FBXO5: variants seen among roughly 807,000 people sequenced by gnomAD.
FBXO5 encodes F-box only protein 5.
In FBXO5, 8 loss-of-function variants were observed where a neutral mutation model predicts 43.3. The ratio of observed to expected loss-of-function variants is 0.18; its 90% CI spans 0.11 to 0.33. FBXO5 has a LOEUF of 0.33. Ranked by LOEUF, FBXO5 falls within the 10% of genes least tolerant of loss-of-function variation. FBXO5 has a pLI of 1.00. For synonymous variants in FBXO5, 204 were observed against 193.7 expected (o/e 1.05, Z -0.44); for missense variants, 491 against 535.7 (o/e 0.92, Z 0.82).
intron 4 of FBXO5, among the ~76,000 whole-genome samples, chr6:152,971,956 C>CA (rs1778092917): frequency 6.6e-6 from 1 of 152,100 alleles, no homozygotes; most frequent in Non-Finnish European, 1.5e-5. Flanking sequence ...AATTAGAACT[C>CA]AAAATCACTG....
upstream of FBXO5, chr6:152,983,520 G>A (rs1421358631): frequency 6.6e-6 from 1 of 152,290 alleles, no homozygotes; most frequent in African/African-American, 2.4e-5. Context: ...CGGGAATCCA[G>A]ACTTTCCGGA....
At chr6:152,971,908 A>C (rs1299008399) in intron 4 of FBXO5, among the ~76,000 whole-genome samples, 1 of 152,180 alleles carries the variant, frequency 6.6e-6, no homozygotes, top group African/African-American at 2.4e-5. Context: ...TAATTTTATA[A>C]GAAATCTAGG....
chr6:152,981,471 T>A (rs73634614), intron 1 of FBXO5, among the ~76,000 whole-genome samples: 1,880 of 152,304 alleles, frequency 0.012, 43 homozygotes, highest in African/African-American at 0.042. Context: ...AGAGGCCCAA[T>A]GCTTGTGACC....
intron 1 of FBXO5, among the ~76,000 whole-genome samples, chr6:152,976,016 G>A (rs1778164439): frequency 6.6e-6 from 1 of 152,208 alleles, no homozygotes; most frequent in East Asian, 1.9e-4. Flanking sequence ...TAGGCGCTAT[G>A]GTCAAAGTTA....
chr6:152,975,570 T>C lies in FBXO5; in HGVS notation c.155A>G (p.Asn52Ser). ...TLSVKMKCDFNCNHVHSGLKL... is the reference protein window; with the variant it reads ...TLSVKMKCDFSCNHVHSGLKL... ...AAGTCCGGAATGAACATGGTTACAATTAAAATCACACTTCATTTTGACAGA... is the reference window on the plus strand; with the variant it reads ...AAGTCCGGAATGAACATGGTTACAACTAAAATCACACTTCATTTTGACAGA... The change falls in exon 2 of 5, where the codon AAT (asparagine) becomes AGT (serine). Residue 52 changes from asparagine to serine, a missense_variant. By Grantham distance (46) the Asn-to-Ser change is conservative. Coordinates refer to ENST00000229758, the MANE Select transcript of FBXO5 (RefSeq NM_012177.5). 1 of 1,609,986 alleles carries C rather than the reference T, an allele frequency of 6.2e-7. No individual in the cohort carries two copies. Among genetic ancestry groups the C allele is most frequent in the Non-Finnish European group, 8.5e-7 (1 of 1,179,100 alleles).
chr6:152,974,530 C>T (rs1045829213), intron 2 of FBXO5, among the ~76,000 whole-genome samples: 1 of 152,174 alleles, frequency 6.6e-6, no homozygotes, highest in Non-Finnish European at 1.5e-5. Context: ...AGTTTTCTTT[C>T]ATCTTAGTGG....
rs570791582 is a variant in FBXO5, at chr6:152,978,653, C to T, written c.104-3032G>A. Among the ~76,000 whole-genome samples the T allele has an allele frequency of 2.6e-5, 4 of 152,170 alleles. No homozygotes were observed. The East Asian group carries it at 7.7e-4, about 29-fold the overall frequency. Reference sequence around the variant, plus strand: ...ACTTAAGGAGTTAAAATGACTACCACGTTCCTCTTGCAACAACAGTATTTT... The same window carrying T: ...ACTTAAGGAGTTAAAATGACTACCATGTTCCTCTTGCAACAACAGTATTTT... On this transcript the variant is annotated intron_variant, in intron 1 of 4. Transcript: ENST00000229758.
Position 152,982,747 on chromosome 6 carries a change from G to C in FBXO5, c.103+110C>G, listed in dbSNP as rs1425541800. The C allele has an allele frequency of 8.2e-5, 59 of 722,774 alleles. No homozygotes were observed. In the East Asian group the frequency reaches 1.1e-3, roughly 13 times the overall value. The allele number at this position is 722,774 out of a possible 1,614,324, so 44.8% of individuals were successfully genotyped here. ...CGCCCGAGGCCGGGCGTGTGGCATG[G>C]CCGCGCGTCCAGGCTCCGAGGGACG... On this transcript the variant is annotated intron_variant, in intron 1 of 4. Coordinates refer to ENST00000229758, the MANE Select transcript of FBXO5 (RefSeq NM_012177.5).
intron 2 of FBXO5, chr6:152,973,400 A>G: frequency 5.6e-6 from 2 of 354,670 alleles, no homozygotes; most frequent in Non-Finnish European, 1.0e-5. Flanking sequence ...ATTTTTTCAC[A>G]ATATCTGCAA....
intron 2 of FBXO5, among the ~76,000 whole-genome samples, chr6:152,974,137 T>C (rs1049677938): frequency 2.6e-5 from 4 of 151,412 alleles, no homozygotes; most frequent in Non-Finnish European, 4.4e-5. Context: ...GCCTGGGAGG[T>C]GGAGGTTGCA....
intron 1 of FBXO5, among the ~76,000 whole-genome samples, chr6:152,977,538 T>C (rs1778186834): frequency 6.6e-6 from 1 of 152,130 alleles, no homozygotes; most frequent in Non-Finnish European, 1.5e-5. Context: ...TTCAGCTGCA[T>C]AAAAAGCAAA....
intron 1 of FBXO5, among the ~76,000 whole-genome samples, chr6:152,980,509 G>C (rs1778244508): frequency 6.6e-6 from 1 of 152,158 alleles, no homozygotes; most frequent in African/African-American, 2.4e-5. Context: ...TGTGGGGTAG[G>C]CTGGGTCAAA....
chr6:152,981,198 A>T (rs1352757548), intron 1 of FBXO5, among the ~76,000 whole-genome samples: 1 of 152,202 alleles, frequency 6.6e-6, no homozygotes, highest in Non-Finnish European at 1.5e-5. Context: ...AGACACTAAT[A>T]AGACTCATAC....
Position 152,982,888 on chromosome 6 carries a change from C to T in FBXO5, c.72G>A (p.Val24=), listed in dbSNP as rs976410930. 7 of 1,513,588 alleles carry T rather than the reference C, an allele frequency of 4.6e-6. No homozygotes were observed. Among genetic ancestry groups the T allele is most frequent in the Non-Finnish European group, 6.2e-6 (7 of 1,137,724 alleles). The allele number at this position is 1,513,588 out of a possible 1,614,324, so 93.8% of individuals were successfully genotyped here. ...RCSCSASPSA[V]TAAGRPRPSD... The stretch of plus-strand genomic sequence containing the variant: ...AGGGTCGAGGGCGCCCGGCGGCTGT[C>T]ACTGCGCTGGGGCTGGCGCTGCAGG... Residue 24 remains valine (V), a synonymous_variant, in exon 1 of 5, where the codon GTG becomes GTA. Transcript: ENST00000229758.
chr6:152,975,100 C>T lies in FBXO5; in HGVS notation c.625G>A (p.Ala209Thr). The change falls in exon 2 of 5, where the codon GCA (alanine) becomes ACA (threonine). Residue 209 changes from alanine to threonine, a missense_variant. Transcript: ENST00000229758. ...KVVCSTLKKN[A>T]KRNPKVDREM... ...CGATCTACTTTAGGATTTCGTTTTG[C>T]ATTCTTTTTTAATGTTGAACAAACC... is the stretch of plus-strand genomic sequence containing the variant. 1 of 1,614,144 alleles carries T rather than the reference C, an allele frequency of 6.2e-7. No homozygotes were observed. Among genetic ancestry groups the T allele is most frequent in the Admixed American group, 1.7e-5 (1 of 60,000 alleles).
chr6:152,971,043 C>A lies in FBXO5; in HGVS notation c.*120G>T. ...CTTTATCTTCTGGGGGGAAAAAAAC[C>A]TCAGGATACTACACCGATTTCAACA... On this transcript the variant is annotated 3_prime_UTR_variant, in exon 5 of 5. Transcript: ENST00000229758. 1 of 984,302 alleles carries A rather than the reference C, an allele frequency of 1.0e-6. No homozygotes were observed. The highest frequency in any genetic ancestry group is 1.4e-6 in the Non-Finnish European group (1 of 703,466). 61.0% of individuals were successfully genotyped at this position (984,302 alleles called of 1,614,324 possible). A position where few individuals can be genotyped will look rare whatever the true frequency, so the allele number is the denominator to read the frequency against.
intron 1 of FBXO5, among the ~76,000 whole-genome samples, chr6:152,975,995 T>C (rs1433014312): frequency 2.0e-5 from 3 of 152,136 alleles, no homozygotes; most frequent in Non-Finnish European, 2.9e-5. Context: ...AAATGTGATG[T>C]ATCAAAAGAG....
intron 3 of FBXO5, 183 bp downstream of exon 3, chr6:152,972,863 T>C: frequency 2.2e-6 from 1 of 447,504 alleles, no homozygotes; most frequent in Admixed American, 5.1e-5. Flanking sequence ...CTAGGAAGAA[T>C]CCAAGAAATA....
chr6:152,981,828 T>C (rs1451397256), intron 1 of FBXO5, among the ~76,000 whole-genome samples: 3 of 152,148 alleles, frequency 2.0e-5, no homozygotes, highest in African/African-American at 7.2e-5. Context: ...CAATGCCGAA[T>C]TGCTAAATTT....
Sources: allele counts gnomAD v4.1 joint callset (sites outside exome capture counted in the v4.1 genomes callset), GRCh38; gene constraint gnomAD v4.1.1; transcripts MANE v1.5; gene names NCBI Gene and HGNC (gene_info 2026-07-23, HGNC 2026-07-21).